Variants in RAB11FIP4 observed in about 807,000 individuals in gnomAD.
RAB11FIP4 encodes the protein rab11 family-interacting protein 4.
RAB11FIP4 carries 23 observed loss-of-function variants against 74.3 expected under a neutral mutation model. The ratio of observed to expected loss-of-function variants is 0.31; its 90% CI spans 0.22 to 0.44. RAB11FIP4 has a LOEUF of 0.44. Among genes scored for constraint, RAB11FIP4 ranks in the 20% least tolerant of loss-of-function variants. The pLI is 1.00. For missense variants in RAB11FIP4, 630 were observed against 863.9 expected (o/e 0.73, Z 3.39); for synonymous variants, 360 against 359.9 (o/e 1.00, Z 0.00).
intron 3 of RAB11FIP4, among the ~76,000 whole-genome samples, chr17:31,507,168 A>G (rs2072367002): frequency 6.6e-6 from 1 of 152,102 alleles, no homozygotes; most frequent in African/African-American, 2.4e-5. Context: ...AATCCCAGCT[A>G]CTCGGGAGGC....
At position 31,394,266 on chromosome 17, in the gene RAB11FIP4, C is replaced by T. The variant is rs558831975; in HGVS notation, c.159+2255C>T. ...GTTTCCATGCTTATATGTCAATTTT[C>T]TCCAGAAAATGAGATCATACTGTGC... is the stretch of plus-strand genomic sequence containing the variant. On this transcript the variant is annotated intron_variant, in intron 1 of 14. Transcript: ENST00000621161. Among the ~76,000 whole-genome samples the T allele has an allele frequency of 2.0e-5, 3 of 152,330 alleles. No homozygotes were observed. The South Asian group carries it at 6.2e-4, about 32-fold the overall frequency.
chr17:31,499,301 A>G (rs1371753632), intron 3 of RAB11FIP4, among the ~76,000 whole-genome samples: 1 of 152,052 alleles, frequency 6.6e-6, no homozygotes, highest in African/African-American at 2.4e-5. Flanking sequence ...ACTTCAGGGG[A>G]AAGTGGATGA....
intron 2 of RAB11FIP4, among the ~76,000 whole-genome samples, chr17:31,433,684 C>T (rs2071330955): frequency 6.6e-6 from 1 of 152,218 alleles, no homozygotes; most frequent in African/African-American, 2.4e-5. Context: ...TTTGCTTTCT[C>T]CAGAGGCTGG....
chr17:31,535,370 G>C lies in RAB11FIP4; in HGVS notation c.*3638G>C, dbSNP rs780402566. On this transcript the variant is annotated 3_prime_UTR_variant, in exon 15 of 15. Transcript: ENST00000621161. The stretch of plus-strand genomic sequence containing the variant: ...CTGGGGAGATTTGTAAGCTTCTGCT[G>C]TCTGGGCTGAACCCCCAGAGGTTCG... 1 of 152,116 alleles carries C rather than the reference G, an allele frequency of 6.6e-6. No homozygotes were observed. The highest frequency in any genetic ancestry group is 2.1e-4 in the South Asian group (1 of 4,820). The allele number at this position is 152,116 out of a possible 1,614,324, so 9.4% of individuals were successfully genotyped here.
chr17:31,510,211 C>T (rs2072426213), intron 3 of RAB11FIP4, among the ~76,000 whole-genome samples: 1 of 152,198 alleles, frequency 6.6e-6, no homozygotes, highest in Admixed American at 6.5e-5. Context: ...TTTCCTGCTG[C>T]CCATAGGAAG....
chr17:31,524,652 C>T, intron 9 of RAB11FIP4: 1 of 219,418 alleles, frequency 4.6e-6, no homozygotes, highest in Admixed American at 5.2e-5. Context: ...ATCTACGTGC[C>T]CCTGGCCCTG....
intron 3 of RAB11FIP4, among the ~76,000 whole-genome samples, chr17:31,474,895 G>T (rs2071776380): frequency 6.6e-6 from 1 of 151,152 alleles, no homozygotes; most frequent in African/African-American, 2.4e-5. Flanking sequence ...AAAAAAAACA[G>T]AGATTCACCT....
rs184759684 is a variant in RAB11FIP4, at chr17:31,406,583, G to T, written c.159+14572G>T. ...TCTGCCAGTTTGATAGGTGTGTAAT[G>T]GTATTTCACATCTTGTTTACACTTG... On this transcript the variant is annotated intron_variant, in intron 1 of 14. Transcript: ENST00000621161. 1.4e-4 allele frequency among the ~76,000 whole-genome samples: 22 copies of T among 152,284 alleles called. No individual in the cohort carries two copies. The East Asian group carries it at 4.2e-3, about 29-fold the overall frequency.
Position 31,527,891 on chromosome 17 carries a change from C to A in RAB11FIP4, c.1324C>A (p.Arg442=). The change falls in exon 11 of 15, where the codon CGG becomes AGG. Residue 442 remains arginine (R), a synonymous_variant. Coordinates refer to ENST00000621161, the MANE Select transcript of RAB11FIP4 (RefSeq NM_032932.6). ...ENTELRTTVT[R]LKSQTEKLDE... ...TACAGAGCTTAGAACAACAGTGACT[C>A]GGCTCAAGTCTCAAACAGAGAAACT... The A allele has an allele frequency of 1.2e-6, 2 of 1,605,080 alleles. No homozygotes were observed. The highest frequency in any genetic ancestry group is 3.3e-4 in the Middle Eastern group (2 of 6,026).
rs1008069507 is a variant in RAB11FIP4, at chr17:31,536,043, G to C, written c.*4311G>C. 9 of 151,656 alleles carry C rather than the reference G, an allele frequency of 5.9e-5. No individual in the cohort carries two copies. The highest frequency in any genetic ancestry group is 9.7e-5 in the African/African-American group (4 of 41,056). 9.4% of individuals were successfully genotyped at this position (151,656 alleles called of 1,614,324 possible). ...TGCTGGTGTTCAGGGGAGTTGGGGG[G>C]GGGGGGCGCGGGGACAGAAGCGCGG... On this transcript the variant is annotated 3_prime_UTR_variant, in exon 15 of 15. Transcript: ENST00000621161.
chr17:31,525,674 C>T (rs536998122), intron 10 of RAB11FIP4: 130 of 181,560 alleles, frequency 7.2e-4, no homozygotes, highest in Non-Finnish European at 1.3e-3. Flanking sequence ...GGAGCAGCCC[C>T]GGGCCAGGGA....
intron 3 of RAB11FIP4, among the ~76,000 whole-genome samples, chr17:31,470,609 A>G (rs527370220): frequency 1.3e-5 from 2 of 152,312 alleles, no homozygotes; most frequent in African/African-American, 2.4e-5. Context: ...TGCTTAACAC[A>G]TGGGCTGGGT....
In RAB11FIP4 at chr17:31,521,987, C is replaced by T. The variant is rs200267698; in HGVS notation, c.831C>T (p.Cys277=). Residue 277 remains cysteine (C), a synonymous_variant, in exon 6 of 15, where the codon TGC becomes TGT. Transcript: ENST00000621161. ...SELLDVYCSQ[C]CKKINLLNDL... ...TGCTAGATGTTTACTGCTCTCAATG[C>T]TGCAAGAAAATCAACCTGCTCAATG... 3.7e-6 allele frequency: 6 copies of T among 1,614,200 alleles called. No individual in the cohort carries two copies. The East Asian group carries it at 1.3e-4, about 36-fold the overall frequency.
At chr17:31,401,006 T>C (rs1463103075) in intron 1 of RAB11FIP4, among the ~76,000 whole-genome samples, 2 of 152,146 alleles carry the variant, frequency 1.3e-5, no homozygotes, top group East Asian at 1.9e-4. Flanking sequence ...CGGTGGCTCA[T>C]GCCTGTAATC....
chr17:31,517,215 C>CGGGGGGGAAG (rs2072573507), intron 3 of RAB11FIP4, among the ~76,000 whole-genome samples: 1 of 36,868 alleles, frequency 2.7e-5, no homozygotes. Context: ...GTGGGGGGGG[C>CGGGGGGGAAG]GGGGGGGAAG....
intron 3 of RAB11FIP4, among the ~76,000 whole-genome samples, chr17:31,455,600 G>A (rs964351067): frequency 6.6e-6 from 1 of 152,058 alleles, no homozygotes; most frequent in African/African-American, 2.4e-5. Flanking sequence ...GTACCTCACT[G>A]TACCTACTCA....
chr17:31,504,840 TTAATC>T (rs1170906860), intron 3 of RAB11FIP4, among the ~76,000 whole-genome samples: 5 of 151,952 alleles, frequency 3.3e-5, no homozygotes, highest in Admixed American at 3.3e-4. Flanking sequence ...TGTCTCTCAG[TTAATC>T]TAGAACAGTG....
chr17:31,507,065 G>T (rs1303279925), intron 3 of RAB11FIP4, among the ~76,000 whole-genome samples: 2 of 152,190 alleles, frequency 1.3e-5, no homozygotes, highest in African/African-American at 4.8e-5. Context: ...GGATCATGAG[G>T]TCAGGAGTTT....
In RAB11FIP4 at chr17:31,528,536, C is replaced by G; in HGVS notation, c.1487C>G (p.Thr496Arg). The change falls in exon 12 of 15, where the codon ACG (threonine) becomes AGG (arginine). Residue 496 changes from threonine to arginine, a missense_variant. Thr to Arg is a moderately conservative substitution (Grantham distance 71). Coordinates refer to ENST00000621161, the MANE Select transcript of RAB11FIP4 (RefSeq NM_032932.6). Reference protein sequence around the residue: ...RLEFQKEREATQELIEDLRKE... With the variant: ...RLEFQKEREARQELIEDLRKE... The stretch of plus-strand genomic sequence containing the variant: ...GAGTTCCAGAAGGAGCGGGAGGCGA[C>G]GCAGGAGGTAGGTCCCAGGCCAGCA... 6.2e-7 allele frequency: 1 copy of G among 1,613,804 alleles called. No individual in the cohort carries two copies. The highest frequency in any genetic ancestry group is 8.5e-7 in the Non-Finnish European group (1 of 1,180,018).
Sources: allele counts gnomAD v4.1 joint callset (sites outside exome capture counted in the v4.1 genomes callset), GRCh38; gene constraint gnomAD v4.1.1; transcripts MANE v1.5; gene names NCBI Gene and HGNC (gene_info 2026-07-23, HGNC 2026-07-21).